The following NDRG1 variants were observed in gnomAD, a reference collection of about 807,000 sequenced individuals.
The protein encoded by NDRG1 is protein NDRG1.
A neutral mutation model predicts 56.9 loss-of-function variants in NDRG1; 32 were observed. The observed-to-expected ratio is 0.56, with a 90% CI of 0.42 to 0.76. NDRG1 has a LOEUF of 0.76. Among genes scored for constraint, NDRG1 ranks in the 30% least tolerant of loss-of-function variants. The pLI is 0.00. For missense variants in NDRG1, 507 were observed against 545.7 expected (o/e 0.93, Z 0.71); for synonymous variants, 211 against 204.1 (o/e 1.03, Z -0.29).
At chr8:133,272,029 C>A (rs972048581) in intron 3 of NDRG1, among the ~76,000 whole-genome samples, 2 of 152,150 alleles carry the variant, frequency 1.3e-5, no homozygotes, top group Non-Finnish European at 2.9e-5. Flanking sequence ...GGTCCTTGGG[C>A]TTCCAAAGCC....
chr8:133,287,945 GCACACA>G (rs61430539), intron 1 of NDRG1, among the ~76,000 whole-genome samples: 7 of 149,040 alleles, frequency 4.7e-5, no homozygotes, highest in African/African-American at 9.8e-5. Flanking sequence ...GTGCACACAC[GCACACA>G]CACACACACA....
At chr8:133,279,093 T>C (rs971174200) in intron 3 of NDRG1, among the ~76,000 whole-genome samples, 1 of 152,120 alleles carries the variant, frequency 6.6e-6, no homozygotes, top group Non-Finnish European at 1.5e-5. Flanking sequence ...TTTCTCCTTG[T>C]TGGCCAGGCT....
chr8:133,271,154 C>T (rs918206967), intron 3 of NDRG1, among the ~76,000 whole-genome samples: 1 of 152,194 alleles, frequency 6.6e-6, no homozygotes, highest in Non-Finnish European at 1.5e-5. Flanking sequence ...AGGCCCTGGG[C>T]AGATGCCGAC....
At position 133,242,037 on chromosome 8, in the gene NDRG1, T is replaced by C; in HGVS notation, c.929A>G (p.Gln310Arg). Reference sequence around the variant, plus strand: ...GCCATACTCACTGTATCCCATGCCCTGCACGAAGTACTTGAAGGCCTCAGC... The same window carrying C: ...GCCATACTCACTGTATCCCATGCCCCGCACGAAGTACTTGAAGGCCTCAGC... ...KLAEAFKYFV[Q>R]GMGYMPSASM... is the part of the protein sequence containing the mutation. The change falls in exon 15 of 16, where the codon CAG (glutamine) becomes CGG (arginine). Residue 310 changes from glutamine (Q) to arginine (R), a missense_variant. Coordinates refer to ENST00000323851, the MANE Select transcript of NDRG1 (RefSeq NM_006096.4). 6.2e-7 allele frequency: 1 copy of C among 1,614,216 alleles called. No homozygotes were observed.
chr8:133,282,873 C>T (rs1369606055), intron 2 of NDRG1, among the ~76,000 whole-genome samples: 1 of 152,146 alleles, frequency 6.6e-6, no homozygotes, highest in African/African-American at 2.4e-5. Context: ...CTGTAGCCTC[C>T]CCAGGCTTGG....
chr8:133,294,198 C>G (rs1858600791), intron 1 of NDRG1, among the ~76,000 whole-genome samples: 1 of 152,212 alleles, frequency 6.6e-6, no homozygotes, highest in South Asian at 2.1e-4. Context: ...AAAACAAAGG[C>G]TCTGAAGTCC....
chr8:133,268,343 C>A (rs1857019099), intron 3 of NDRG1, among the ~76,000 whole-genome samples: 1 of 152,188 alleles, frequency 6.6e-6, no homozygotes. Context: ...GAGAGCCTCA[C>A]AGAGCACTAA....
chr8:133,296,868 A>G (rs1368396240), intron 1 of NDRG1: 1 of 224,312 alleles, frequency 4.5e-6, no homozygotes, highest in African/African-American at 2.3e-5. Context: ...CGACCTCCAG[A>G]ACCCCAATCC....
chr8:133,262,314 G>A, intron 4 of NDRG1, 147 bp from the exon 5 acceptor site: 1 of 1,061,830 alleles, frequency 9.4e-7, no homozygotes, highest in South Asian at 1.5e-5. Flanking sequence ...GGCGTTTTTT[G>A]TTTTTTGGTT....
intron 3 of NDRG1, among the ~76,000 whole-genome samples, chr8:133,275,021 G>A (rs1205670019): frequency 2.0e-5 from 3 of 152,164 alleles, no homozygotes; most frequent in African/African-American, 7.2e-5. Flanking sequence ...GTGAATCTGA[G>A]GTCAGATTAT....
chr8:133,257,316 CAG>C (rs1554750960), intron 7 of NDRG1, among the ~76,000 whole-genome samples: 4 of 129,624 alleles, frequency 3.1e-5, no homozygotes, highest in Admixed American at 8.6e-5. Context: ...CACACACACA[CAG>C]AGAGAGAGAC....
intron 13 of NDRG1, 130 bp from the exon 14 acceptor site, chr8:133,244,520 A>G: frequency 9.3e-7 from 1 of 1,075,044 alleles, no homozygotes; most frequent in Non-Finnish European, 1.4e-6. Context: ...ACAAAGGAGG[A>G]ACAGGGTGGA....
chr8:133,270,056 A>T (rs575092015), intron 3 of NDRG1, among the ~76,000 whole-genome samples: 1 of 152,306 alleles, frequency 6.6e-6, no homozygotes, highest in Admixed American at 6.5e-5. Flanking sequence ...GCACGACCAC[A>T]ATTACAAATA....
At chr8:133,252,309 C>T (rs1477664152) in intron 9 of NDRG1, among the ~76,000 whole-genome samples, 2 of 152,064 alleles carry the variant, frequency 1.3e-5, no homozygotes, top group Admixed American at 6.5e-5. Flanking sequence ...TGGCCAGGCT[C>T]GTCTCGAACT....
chr8:133,290,581 C>T (rs1858375199), intron 1 of NDRG1, among the ~76,000 whole-genome samples: 1 of 152,138 alleles, frequency 6.6e-6, no homozygotes, highest in African/African-American at 2.4e-5. Flanking sequence ...ATCCACAGTC[C>T]TCACCACCAC....
chr8:133,256,721 T>G lies in NDRG1; in HGVS notation c.537+56A>C, dbSNP rs1399278290. Reference sequence around the variant, plus strand: ...AGGGATCCCCCAGGCAGAGGCTGTGTGCACCTGTCCCTCTTCTTGCAGGGA... The same window carrying G: ...AGGGATCCCCCAGGCAGAGGCTGTGGGCACCTGTCCCTCTTCTTGCAGGGA... On this transcript the variant is annotated intron_variant, in intron 8 of 15. Transcript: ENST00000323851. The G allele has an allele frequency of 3.2e-6, 5 of 1,544,306 alleles. No individual in the cohort carries two copies. The Admixed American group carries it at 8.4e-5, about 26-fold the overall frequency.
chr8:133,285,858 G>A (rs112678304), intron 1 of NDRG1, among the ~76,000 whole-genome samples: 34 of 152,358 alleles, frequency 2.2e-4, no homozygotes, highest in African/African-American at 6.3e-4. Flanking sequence ...AAAGGCCCGC[G>A]TCTGTTAGCC....
chr8:133,255,888 C>G (rs1479022763), intron 8 of NDRG1: 1 of 153,830 alleles, frequency 6.5e-6, no homozygotes, highest in African/African-American at 2.4e-5. Flanking sequence ...GAGGCCTTTA[C>G]AGGGAAAAAA....
chr8:133,255,556 G>C, intron 8 of NDRG1: 1 of 326,062 alleles, frequency 3.1e-6, no homozygotes. Context: ...GAAGCCCAGC[G>C]GGTTGACTGG....
Sources: gnomAD v4.1 joint callset for allele counts (sites outside exome capture counted in the v4.1 genomes callset) on GRCh38, gnomAD v4.1.1 for gene constraint, MANE v1.5 for transcripts, NCBI Gene and HGNC (gene_info 2026-07-23, HGNC 2026-07-21) for gene names.